FAM53C: variants seen among roughly 807,000 people sequenced by gnomAD.
FAM53C encodes family with sequence similarity 53 member C.
In FAM53C, 10 loss-of-function variants were observed where a neutral mutation model predicts 34.7. The observed-to-expected ratio is 0.29, with a 90% CI of 0.18 to 0.49. FAM53C has a LOEUF of 0.49. Ranked by LOEUF, FAM53C falls within the 20% of genes least tolerant of loss-of-function variation. The pLI is 0.99. For synonymous variants in FAM53C, 203 were observed against 203.6 expected (o/e 1.00, Z 0.03); for missense variants, 442 against 515.3 (o/e 0.86, Z 1.38).
chr5:138,344,960 C>G lies in FAM53C; in HGVS notation c.272C>G (p.Pro91Arg). The change falls in exon 4 of 5, where the codon CCC becomes CGC. Residue 91 changes from proline to arginine, a missense_variant. Physicochemically the swap from Pro to Arg is moderately radical, Grantham distance 103. Transcript: ENST00000239906. Reference protein sequence around the residue: ...PSRGNSPKEQPFSQVLRPEPP... With the variant: ...PSRGNSPKEQRFSQVLRPEPP... ...CGGGGAAACTCCCCCAAGGAGCAGC[C>G]CTTCTCCCAAGTCCTAAGACCTGAG... 2 of 1,614,140 alleles carry G rather than the reference C, an allele frequency of 1.2e-6. No homozygotes were observed. Among genetic ancestry groups the G allele is most frequent in the South Asian group, 2.2e-5 (2 of 91,074 alleles).
chr5:138,344,958 G>A lies in FAM53C; in HGVS notation c.270G>A (p.Gln90=), dbSNP rs1368256132. 3 of 1,614,144 alleles carry A rather than the reference G, an allele frequency of 1.9e-6. No homozygotes were observed. Among genetic ancestry groups the A allele is most frequent in the Non-Finnish European group, 2.5e-6 (3 of 1,180,018 alleles). ...GTCGGGGAAACTCCCCCAAGGAGCAGCCCTTCTCCCAAGTCCTAAGACCTG... is the reference window on the plus strand; with the variant it reads ...GTCGGGGAAACTCCCCCAAGGAGCAACCCTTCTCCCAAGTCCTAAGACCTG... ...PPSRGNSPKE[Q]PFSQVLRPEP... Residue 90 remains glutamine, a synonymous_variant, in exon 4 of 5, where the codon CAG becomes CAA. Transcript: ENST00000239906.
At position 138,349,100 on chromosome 5, in the gene FAM53C, T is replaced by A. The variant is rs945679544; in HGVS notation, c.*2141T>A. On this transcript the variant is annotated 3_prime_UTR_variant, in exon 5 of 5. Coordinates refer to ENST00000239906, the MANE Select transcript of FAM53C (RefSeq NM_016605.3). ...TTCCATTACTTTCAGTCTGGAAAAC[T>A]AAGCTAGTCAGAACTGTCATCTTGC... 1 of 152,336 alleles carries A rather than the reference T, an allele frequency of 6.6e-6. No individual in the cohort carries two copies. 9.4% of individuals were successfully genotyped at this position (152,336 alleles called of 1,614,324 possible).
At position 138,338,275 on chromosome 5, in the gene FAM53C, C is replaced by G. The variant is rs965851401; in HGVS notation, c.-185C>G. The G allele has an allele frequency of 2.2e-6, 2 of 919,176 alleles. No homozygotes were observed. Among genetic ancestry groups the G allele is most frequent in the Middle Eastern group, 2.6e-4 (1 of 3,886 alleles). 56.9% of individuals were successfully genotyped at this position (919,176 alleles called of 1,614,324 possible). On this transcript the variant is annotated 5_prime_UTR_variant, in exon 1 of 5. Transcript: ENST00000239906. ...GGCGAACCGAGCGCTCAGAGCTGCT[C>G]CGGCCGCGGCCCTGGGAGCTGGAGG... is the stretch of plus-strand genomic sequence containing the variant.
intron 1 of FAM53C, among the ~76,000 whole-genome samples, chr5:138,340,651 A>G (rs1487007583): frequency 6.6e-6 from 1 of 152,234 alleles, no homozygotes; most frequent in African/African-American, 2.4e-5. Context: ...GAAAACAAAC[A>G]CTGTATCTAT....
At chr5:138,339,693 G>T (rs778489202) in intron 1 of FAM53C, among the ~76,000 whole-genome samples, 41 of 152,176 alleles carry the variant, frequency 2.7e-4, no homozygotes, top group Non-Finnish European at 5.0e-4. Context: ...AGCTTCTCCC[G>T]TAAGAATATA....
chr5:138,338,166 G>A (rs919490541), upstream of FAM53C: 3 of 1,289,624 alleles, frequency 2.3e-6, no homozygotes, highest in African/African-American at 4.6e-5. Flanking sequence ...GGGTGGCTTG[G>A]GGGGATTCTG....
intron 4 of FAM53C, among the ~76,000 whole-genome samples, chr5:138,346,352 A>C (rs746325453): frequency 2.2e-4 from 34 of 152,218 alleles, no homozygotes; most frequent in African/African-American, 8.0e-4. Context: ...AACGCCAGGC[A>C]TGGTGGCTAA....
chr5:138,340,869 G>T (rs1285177861), intron 1 of FAM53C, among the ~76,000 whole-genome samples: 1 of 152,174 alleles, frequency 6.6e-6, no homozygotes, highest in African/African-American at 2.4e-5. Context: ...AATCATTTGG[G>T]CATCCCTCTC....
At position 138,341,360 on chromosome 5, in the gene FAM53C, C is replaced by G. The variant is rs753544259; in HGVS notation, c.25C>G (p.Leu9Val). The G allele has an allele frequency of 6.2e-7, 1 of 1,614,148 alleles. No individual in the cohort carries two copies. The highest frequency in any genetic ancestry group is 1.1e-5 in the South Asian group (1 of 91,084). The change falls in exon 2 of 5, where the codon CTA (leucine) becomes GTA (valine). Residue 9 changes from leucine (L) to valine (V), a missense_variant. Coordinates refer to ENST00000239906, the MANE Select transcript of FAM53C (RefSeq NM_016605.3). The stretch of plus-strand genomic sequence containing the variant: ...CATGATAACCCTGATCACTGAGCAG[C>G]TACAGAAGCAGACTCTGGATGAGCT... MITLITEQ[L>V]QKQTLDELKC...
In FAM53C at chr5:138,348,307, A is replaced by G. The variant is rs1377801151; in HGVS notation, c.*1348A>G. 6.6e-6 allele frequency: 1 copy of G among 152,656 alleles called. No homozygotes were observed. Among genetic ancestry groups the G allele is most frequent in the Non-Finnish European group, 1.5e-5 (1 of 68,060 alleles). 9.5% of individuals were successfully genotyped at this position (152,656 alleles called of 1,614,324 possible). ...TTTACTTTTTTGTTTCTCACCCGCA[A>G]CTTGAGCCAGGACAGCTGGTCCAAG... On this transcript the variant is annotated 3_prime_UTR_variant, in exon 5 of 5. Transcript: ENST00000239906.
At chr5:138,340,900 T>C (rs1244849368) in intron 1 of FAM53C, among the ~76,000 whole-genome samples, 1 of 152,236 alleles carries the variant, frequency 6.6e-6, no homozygotes, top group Non-Finnish European at 1.5e-5. Flanking sequence ...GCAGCTGTTT[T>C]CTAAGTGGTG....
At chr5:138,344,311 C>G (rs565422601) in intron 3 of FAM53C, among the ~76,000 whole-genome samples, 1 of 152,362 alleles carries the variant, frequency 6.6e-6, no homozygotes, top group South Asian at 2.1e-4. Flanking sequence ...CTGATTACCT[C>G]TTACTTCTTG....
intron 3 of FAM53C, chr5:138,342,123 T>A: frequency 8.8e-6 from 4 of 454,738 alleles, no homozygotes; most frequent in Non-Finnish European, 1.6e-5. Flanking sequence ...GTTCAAAATT[T>A]AAAAAATAAC....
upstream of FAM53C, chr5:138,338,232 C>G: frequency 8.2e-7 from 1 of 1,222,380 alleles, no homozygotes; most frequent in Non-Finnish European, 1.1e-6. Flanking sequence ...GCGCCAGCGC[C>G]TTTTAAGGGC....
Position 138,347,125 on chromosome 5 carries a change from A to G in FAM53C, c.*166A>G, listed in dbSNP as rs1022536920. 11 of 961,466 alleles carry G rather than the reference A, an allele frequency of 1.1e-5. No homozygotes were observed. In the African/African-American group the frequency reaches 1.8e-4, roughly 16 times the overall value. 59.6% of individuals were successfully genotyped at this position (961,466 alleles called of 1,614,324 possible). ...CGCTCCAGCAAGCTCGACCATGCCA[A>G]GAGACTGGCCGGGACAAGATAAACG... On this transcript the variant is annotated 3_prime_UTR_variant, in exon 5 of 5. Transcript: ENST00000239906.
At chr5:138,338,252 C>T (rs1172581934), upstream of FAM53C, 23 of 1,113,630 alleles carry the variant, frequency 2.1e-5, no homozygotes, top group Non-Finnish European at 2.7e-5. Flanking sequence ...CACCGTGGGG[C>T]GAACCGAGCG....
chr5:138,348,366 G>T lies in FAM53C; in HGVS notation c.*1407G>T, dbSNP rs1761236959. The T allele has an allele frequency of 6.6e-6, 1 of 152,336 alleles. No homozygotes were observed. The highest frequency in any genetic ancestry group is 2.4e-5 in the African/African-American group (1 of 41,424). 9.4% of individuals were successfully genotyped at this position (152,336 alleles called of 1,614,324 possible). A position where few individuals can be genotyped will look rare whatever the true frequency, so the allele number is the denominator to read the frequency against. On this transcript the variant is annotated 3_prime_UTR_variant, in exon 5 of 5. Transcript: ENST00000239906. ...GTGATGGGTTTAAGTACCTTGGTAG[G>T]GCTGGCACCAGTGGAAACACATACT...
chr5:138,344,688 A>T, intron 3 of FAM53C, 137 bp from the exon 4 acceptor site: 2 of 636,370 alleles, frequency 3.1e-6, no homozygotes, highest in South Asian at 5.9e-5. Context: ...AATGGGGATA[A>T]TGATAACGAT....
At chr5:138,339,830 C>A (rs1760976853) in intron 1 of FAM53C, among the ~76,000 whole-genome samples, 1 of 152,180 alleles carries the variant, frequency 6.6e-6, no homozygotes, top group Non-Finnish European at 1.5e-5. Flanking sequence ...CCAGAGAACT[C>A]CAGGTACATC....
Sources: gnomAD v4.1 joint callset for allele counts (sites outside exome capture counted in the v4.1 genomes callset) on GRCh38, gnomAD v4.1.1 for gene constraint, MANE v1.5 for transcripts, NCBI Gene and HGNC (gene_info 2026-07-23, HGNC 2026-07-21) for gene names.